CLN3: variants seen among roughly 807,000 people sequenced by gnomAD.
The protein encoded by CLN3 is battenin.
Under a neutral mutation model 60.7 loss-of-function variants are expected in CLN3, and 49 were observed. The ratio of observed to expected loss-of-function variants is 0.81; its 90% CI spans 0.64 to 1.02. The LOEUF is 1.02. Among genes scored for constraint, CLN3 ranks in the 50% least tolerant of loss-of-function variants. The pLI is 0.00. For missense variants in CLN3, 516 were observed against 557.4 expected (o/e 0.93, Z 0.75); for synonymous variants, 256 against 245.8 (o/e 1.04, Z -0.39).
intron 7 of CLN3, 108 bp downstream of exon 7, chr16:28,487,348 G>T: frequency 2.2e-6 from 2 of 916,460 alleles, no homozygotes; most frequent in Non-Finnish European, 3.6e-6. Flanking sequence ...GGCTTCTAAG[G>T]GTGACAGAAT....
chr16:28,480,699 G>A (rs889076482), intron 14 of CLN3, among the ~76,000 whole-genome samples: 4 of 152,256 alleles, frequency 2.6e-5, no homozygotes, highest in African/African-American at 9.6e-5. Context: ...GAGCCACCAG[G>A]ACTGGCCAAG....
In CLN3 at chr16:28,489,300, T is replaced by TGG; in HGVS notation, c.211_212insCC (p.Asn71ThrfsTer111). 6.2e-7 allele frequency: 1 copy of TGG among 1,612,544 alleles called. No homozygotes were observed. Among genetic ancestry groups the TGG allele is most frequent in the Non-Finnish European group, 8.5e-7 (1 of 1,179,258 alleles). On this transcript the variant is annotated frameshift_variant, in exon 4 of 16. Transcript: ENST00000636147. LOFTEE classifies it high-confidence loss of function. ...TAGAGAGTCACTTACATGGCTCTGG[T>TGG]TTCCCGATGTCCTCTTGTGGCTAAG...
rs1555469548 is a variant in CLN3, at chr16:28,492,008, T to G, written c.-77+12A>C. The G allele has an allele frequency of 1.6e-6, 1 of 606,584 alleles. No individual in the cohort carries two copies. The highest frequency in any genetic ancestry group is 2.9e-6 in the Non-Finnish European group (1 of 340,482). 37.6% of individuals were successfully genotyped at this position (606,584 alleles called of 1,614,324 possible). ...CCCGCCCCGTCTACAGCAGGGACCC[T>G]GAGGCCTGTACCTTTAAGAGCAGCA... is the stretch of plus-strand genomic sequence containing the variant. On this transcript the variant is annotated intron_variant, in intron 1 of 15. Transcript: ENST00000636147.
intron 5 of CLN3, chr16:28,488,187 T>G (rs2046253214): frequency 5.5e-6 from 1 of 180,338 alleles, no homozygotes; most frequent in Non-Finnish European, 1.2e-5. Flanking sequence ...ATTACAGGCG[T>G]GCACCACCAT....
intron 14 of CLN3, among the ~76,000 whole-genome samples, chr16:28,478,762 C>G (rs945967230): frequency 7.9e-5 from 12 of 152,044 alleles, no homozygotes; most frequent in African/African-American, 2.9e-4. Flanking sequence ...TATGGCAGCG[C>G]ATTTAGCAGG....
intron 3 of CLN3, 30 bp from the exon 4 acceptor site, chr16:28,489,416 C>A (rs375783214): frequency 6.7e-7 from 1 of 1,485,468 alleles, no homozygotes; most frequent in South Asian, 1.2e-5. Context: ...TCTCAACTCC[C>A]TCCTCATCCT....
chr16:28,480,229 T>C (rs2046064108), intron 14 of CLN3, among the ~76,000 whole-genome samples: 1 of 152,036 alleles, frequency 6.6e-6, no homozygotes, highest in Non-Finnish European at 1.5e-5. Flanking sequence ...TTTTTTAATT[T>C]TTTGTAGAGG....
At chr16:28,476,648 T>TG (rs1238273645), downstream of CLN3, 1 of 152,148 alleles carries the variant, frequency 6.6e-6, no homozygotes, top group Non-Finnish European at 1.5e-5. Flanking sequence ...ATAGATTTGA[T>TG]GGGGGCTGGA....
At position 28,487,752 on chromosome 16, in the gene CLN3, A is replaced by G. The variant is rs1441993868; in HGVS notation, c.295-11T>C. 1 of 1,609,916 alleles carries G rather than the reference A, an allele frequency of 6.2e-7. No homozygotes were observed. The stretch of plus-strand genomic sequence containing the variant: ...CGCCAGGAGCACAGCCTGGGACAGG[A>G]GAATAGAGTGAGACCGCAGAGCTTC... On this transcript the variant is annotated splice_polypyrimidine_tract_variant and intron_variant, in intron 5 of 15. Transcript: ENST00000636147.
chr16:28,479,277 G>T (rs1406356893), intron 14 of CLN3, among the ~76,000 whole-genome samples: 2 of 152,202 alleles, frequency 1.3e-5, no homozygotes. Flanking sequence ...TAGACTTAAA[G>T]ATGAGCATTA....
chr16:28,490,611 A>G (rs2046297949), intron 3 of CLN3, among the ~76,000 whole-genome samples: 1 of 151,104 alleles, frequency 6.6e-6, no homozygotes, highest in Admixed American at 6.6e-5. Context: ...ATACAAAAAA[A>G]TAGCCGGGCG....
intron 14 of CLN3, chr16:28,479,814 C>A: frequency 5.5e-6 from 1 of 182,546 alleles, no homozygotes; most frequent in Non-Finnish European, 1.2e-5. Context: ...AAACATGTAG[C>A]TTAAAACCAT....
chr16:28,476,519 C>T (rs2045997937), downstream of CLN3: 1 of 151,758 alleles, frequency 6.6e-6, no homozygotes, highest in South Asian at 2.1e-4. Flanking sequence ...GTACTTCAGC[C>T]TGGGTGACAG....
chr16:28,484,008 G>C lies in CLN3; in HGVS notation c.788C>G (p.Pro263Arg). Residue 263 changes from proline to arginine, a missense_variant and splice_region_variant, in exon 10 of 16, where the codon CCA (proline) becomes CGA (arginine). By Grantham distance (103) the Pro-to-Arg change is moderately radical (BLOSUM62 -2). Transcript: ENST00000636147. The part of the protein sequence containing the change: ...LIRTEAPESK[P>R]GSSSSLSLRE... ...CTCTGAGGGTCTGTGTCTCCTACCT[G>C]GCTTCGACTCCGGGGCCTCGGTTCT... is the stretch of plus-strand genomic sequence containing the variant. 1.2e-6 allele frequency: 2 copies of C among 1,605,400 alleles called. No individual in the cohort carries two copies. Among genetic ancestry groups the C allele is most frequent in the Non-Finnish European group, 1.7e-6 (2 of 1,175,698 alleles).
At chr16:28,490,397 T>A (rs572038685) in intron 3 of CLN3, 2 of 150,128 alleles carry the variant, frequency 1.3e-5, no homozygotes, top group South Asian at 4.2e-4. Context: ...TGAGCCGAGA[T>A]TGTGCCACTG....
rs767753225 is a variant in CLN3 at position 28,481,417 on chromosome 16, AACACACAC to A, written c.1056+680_1056+687del. Among the ~76,000 whole-genome samples, 803 of 129,670 alleles carry A rather than the reference AACACACAC, an allele frequency of 6.2e-3. 4 individuals carry two copies. The highest frequency in any genetic ancestry group is 9.9e-3 in the Non-Finnish European group (592 of 60,036). 85.1% of individuals were successfully genotyped at this position (129,670 alleles called of 152,430 possible). A position where few individuals can be genotyped will look rare whatever the true frequency, so the allele number is the denominator to read the frequency against. ...GGCCCGGCCCAATCCCAATGCTTAAAACACACACACACACACACACACACACACACACA... is the reference window on the plus strand; with the variant it reads ...GGCCCGGCCCAATCCCAATGCTTAAAACACACACACACACACACACACACA... On this transcript the variant is annotated intron_variant, in intron 14 of 15. Transcript: ENST00000636147.
At chr16:28,490,879 G>C (rs1299440512) in intron 3 of CLN3, 1 of 152,040 alleles carries the variant, frequency 6.6e-6, no homozygotes, top group Non-Finnish European at 1.5e-5. Flanking sequence ...GACCAGCCCA[G>C]GTCCCATAGT....
At chr16:28,485,571 CAAAAAAAAAA>C (rs67148714) in intron 9 of CLN3, among the ~76,000 whole-genome samples, 6 of 11,768 alleles carry the variant, frequency 5.1e-4, no homozygotes, top group African/African-American at 1.8e-3. Flanking sequence ...GACTCCGTCT[CAAAAAAAAAA>C]AAAAAAAAAA....
intron 14 of CLN3, among the ~76,000 whole-genome samples, chr16:28,478,549 G>C (rs1382733193): frequency 2.0e-5 from 3 of 148,908 alleles, no homozygotes; most frequent in African/African-American, 7.6e-5. Flanking sequence ...CTAGGAGGTG[G>C]AGGCTGCAGT....
Sources: gnomAD v4.1 joint callset for allele counts (sites outside exome capture counted in the v4.1 genomes callset) on GRCh38, gnomAD v4.1.1 for gene constraint, MANE v1.5 for transcripts, NCBI Gene and HGNC (gene_info 2026-07-23, HGNC 2026-07-21) for gene names.